CALCOCO2: variants seen among roughly 807,000 people sequenced by gnomAD.
CALCOCO2 encodes the protein calcium-binding and coiled-coil domain-containing protein 2.
Under a neutral mutation model 62.5 loss-of-function variants are expected in CALCOCO2, and 42 were observed. That is an observed-to-expected ratio of 0.67 (90% CI 0.53 to 0.87). The LOEUF (loss-of-function observed/expected upper bound fraction) is 0.87, where lower values mean the gene tolerates loss of function less well. Ranked by LOEUF, CALCOCO2 falls within the 40% of genes least tolerant of loss-of-function variation. The pLI, the probability that CALCOCO2 is intolerant of heterozygous loss-of-function variation, is 0.00. For missense variants in CALCOCO2, 456 were observed against 515.0 expected (o/e 0.89, Z 1.11); for synonymous variants, 167 against 173.0 (o/e 0.97, Z 0.27).
rs566286206 is a variant in CALCOCO2, at chr17:48,864,111, G to T, written c.*1106G>T. 13 of 147,542 alleles carry T rather than the reference G, an allele frequency of 8.8e-5. No homozygotes were observed. In the South Asian group the frequency reaches 1.7e-3, roughly 19 times the overall value. The allele number at this position is 147,542 out of a possible 1,614,324, so 9.1% of individuals were successfully genotyped here. On this transcript the variant is annotated 3_prime_UTR_variant, in exon 13 of 13. Transcript: ENST00000258947. Reference sequence around the variant, plus strand: ...GAAACAGTCTCTCTCTGTCACCCAGGCTGGCGTGCAATGGCGCAGTTGACT... The same window carrying T: ...GAAACAGTCTCTCTCTGTCACCCAGTCTGGCGTGCAATGGCGCAGTTGACT...
intron 7 of CALCOCO2, 136 bp downstream of exon 7, chr17:48,851,764 A>C (rs1290280086): frequency 1.5e-6 from 1 of 648,980 alleles, no homozygotes; most frequent in Non-Finnish European, 2.8e-6. Flanking sequence ...CTAAAGTTTC[A>C]GGTTATGTAT....
chr17:48,831,335 G>A (rs975883085), intron 1 of CALCOCO2: 2 of 152,330 alleles, frequency 1.3e-5, no homozygotes, highest in African/African-American at 4.8e-5. Flanking sequence ...GGCTCCTCGG[G>A]AAGAAGTGAC....
At chr17:48,859,158 CT>C (rs2040290423) in intron 10 of CALCOCO2, among the ~76,000 whole-genome samples, 1 of 150,488 alleles carries the variant, frequency 6.6e-6, no homozygotes, top group Non-Finnish European at 1.5e-5. Context: ...GTCTGTGCCA[CT>C]TTTAGTAATT....
At chr17:48,842,655 T>C (rs1471105701) in intron 2 of CALCOCO2, 1 of 151,868 alleles carries the variant, frequency 6.6e-6, no homozygotes, top group Non-Finnish European at 1.5e-5. Flanking sequence ...TCTTTTTTTT[T>C]TTTTCTTTGA....
intron 9 of CALCOCO2, among the ~76,000 whole-genome samples, chr17:48,854,526 C>T (rs1469373840): frequency 7.0e-6 from 1 of 142,902 alleles, no homozygotes; most frequent in Non-Finnish European, 1.5e-5. Flanking sequence ...CTGCCTCAGC[C>T]TCCTGAGTAG....
chr17:48,838,735 C>A (rs1021773133), intron 1 of CALCOCO2, among the ~76,000 whole-genome samples: 2 of 152,074 alleles, frequency 1.3e-5, no homozygotes, highest in African/African-American at 4.8e-5. Context: ...ATATATATAA[C>A]AATTACATGT....
chr17:48,848,531 A>G, intron 4 of CALCOCO2, 76 bp downstream of exon 4: 1 of 1,326,650 alleles, frequency 7.5e-7, no homozygotes, highest in Non-Finnish European at 1.1e-6. Flanking sequence ...ATTTGAGTTA[A>G]TAAGGCTTTA....
rs1314072415 is a variant in CALCOCO2, at chr17:48,857,525, C to T, written c.1008+1338C>T. Among the ~76,000 whole-genome samples, 65 of 11,928 alleles carry T rather than the reference C, an allele frequency of 5.4e-3. No homozygotes were observed. The East Asian group carries it at 0.17, about 32-fold the overall frequency. The allele number at this position is 11,928 out of a possible 152,430, so 7.8% of individuals were successfully genotyped here. ...TTTTTTTTTTTTTTTTTTTTTGAGA[C>T]GGAGTCTCACTCTGTTGCCCAGCCT... On this transcript the variant is annotated intron_variant, in intron 10 of 12. Coordinates refer to ENST00000258947, the MANE Select transcript of CALCOCO2 (RefSeq NM_005831.5).
intron 9 of CALCOCO2, among the ~76,000 whole-genome samples, chr17:48,853,742 A>G (rs1322992530): frequency 6.6e-6 from 1 of 152,250 alleles, no homozygotes; most frequent in Non-Finnish European, 1.5e-5. Context: ...TTTAGAAAGT[A>G]GTTACCAACA....
At chr17:48,851,304 A>G in intron 6 of CALCOCO2, 127 bp downstream of exon 6, 1 of 676,398 alleles carries the variant, frequency 1.5e-6, no homozygotes, top group South Asian at 1.7e-5. Context: ...GTGATTCTCC[A>G]CCCTTTGAAT....
chr17:48,834,243 T>A (rs1194567423), intron 1 of CALCOCO2, among the ~76,000 whole-genome samples: 1 of 151,890 alleles, frequency 6.6e-6, no homozygotes, highest in Non-Finnish European at 1.5e-5. Context: ...GAAAAGCTCA[T>A]TAGATGAAGA....
Position 48,841,852 on chromosome 17 carries a change from A to G in CALCOCO2, c.145A>G (p.Ile49Val). The change falls in exon 2 of 13, where the codon ATC becomes GTC. Residue 49 changes from isoleucine to valine, a missense_variant. Physicochemically the swap from Ile to Val is conservative, Grantham distance 29. This residue lies in a region of CALCOCO2 where 48 missense variants were observed against 79.3 expected (regional missense o/e 0.61). Transcript: ENST00000258947. Reference protein sequence around the residue: ...TCHYTFTQHFIPRRKDWIGIF... With the variant: ...TCHYTFTQHFVPRRKDWIGIF... ...TCATTATACCTTCACCCAGCATTTC[A>G]TCCCTCGTCGAAAGGATTGGATTGG... 6.2e-7 allele frequency: 1 copy of G among 1,612,742 alleles called. No individual in the cohort carries two copies. Among genetic ancestry groups the G allele is most frequent in the South Asian group, 1.1e-5 (1 of 90,872 alleles).
intron 1 of CALCOCO2, among the ~76,000 whole-genome samples, chr17:48,833,571 A>G (rs548589274): frequency 7.4e-4 from 112 of 152,074 alleles, no homozygotes; most frequent in African/African-American, 2.0e-3. Flanking sequence ...AAGAAAGAAA[A>G]AAAGTAAGCA....
intron 5 of CALCOCO2, 100 bp from the exon 6 acceptor site, chr17:48,850,989 A>T (rs2143631449): frequency 1.4e-6 from 1 of 699,794 alleles, no homozygotes; most frequent in East Asian, 2.5e-5. Flanking sequence ...GCTATGCCTG[A>T]CATATAGTAA....
chr17:48,846,114 C>CT, intron 2 of CALCOCO2: 1 of 1,164,542 alleles, frequency 8.6e-7, no homozygotes, highest in African/African-American at 1.6e-5. Flanking sequence ...CTCAGTAACT[C>CT]TTTTTATTTT....
chr17:48,856,639 GCATTCATT>G (rs72437948), intron 10 of CALCOCO2: 51 of 445,690 alleles, frequency 1.1e-4, no homozygotes, highest in Middle Eastern at 3.3e-4. Flanking sequence ...TAAATGCTGT[GCATTCATT>G]CATTCATTCA....
chr17:48,846,519 CT>C, intron 2 of CALCOCO2: 1 of 1,395,132 alleles, frequency 7.2e-7, no homozygotes, highest in Non-Finnish European at 9.8e-7. Flanking sequence ...TTGCAGGTGG[CT>C]AGAAGTTGTT....
intron 12 of CALCOCO2, 151 bp downstream of exon 12, chr17:48,862,455 A>C (rs571224665): frequency 2.9e-6 from 2 of 693,784 alleles, no homozygotes; most frequent in East Asian, 5.1e-5. Context: ...AGGCTGAGCC[A>C]GCCTGTTGTG....
chr17:48,835,819 G>A lies in CALCOCO2; in HGVS notation c.-11+4741G>A, dbSNP rs565827352. The stretch of plus-strand genomic sequence containing the variant: ...GGCTGGAGTGCAATGGCATAATCTC[G>A]GCTCACTGCAACCTCCGCCTCCTGG... On this transcript the variant is annotated intron_variant, in intron 1 of 12. Transcript: ENST00000258947. Among the ~76,000 whole-genome samples the A allele has an allele frequency of 1.3e-4, 20 of 150,954 alleles. No individual in the cohort carries two copies. In the East Asian group the frequency reaches 1.6e-3, roughly 12 times the overall value.
Sources: allele counts gnomAD v4.1 joint callset (sites outside exome capture counted in the v4.1 genomes callset), GRCh38; gene constraint gnomAD v4.1.1; regional missense constraint gnomAD v4.1.1; transcripts MANE v1.5; gene names NCBI Gene and HGNC (gene_info 2026-07-23, HGNC 2026-07-21).